DIPK1A: variants seen among roughly 807,000 people sequenced by gnomAD.
DIPK1A encodes divergent protein kinase domain 1A, also known as family with sequence similarity 69 member A.
A neutral mutation model predicts 40.8 loss-of-function variants in DIPK1A; 27 were observed. The ratio of observed to expected loss-of-function variants is 0.66; its 90% CI spans 0.49 to 0.91. The LOEUF is 0.91. DIPK1A is among the 40% of genes least tolerant of loss of function. The pLI is 0.00. For missense variants in DIPK1A, 412 were observed against 505.7 expected (o/e 0.81, Z 1.78); for synonymous variants, 166 against 171.3 (o/e 0.97, Z 0.24).
At chr1:92,953,800 G>T (rs886397295) in intron 1 of DIPK1A, among the ~76,000 whole-genome samples, 3 of 152,168 alleles carry the variant, frequency 2.0e-5, no homozygotes, top group Non-Finnish European at 2.9e-5. Context: ...AAGTTCTAGA[G>T]ATCTGCTGCA....
At chr1:92,926,818 A>G (rs1409468441) in intron 1 of DIPK1A, among the ~76,000 whole-genome samples, 1 of 151,922 alleles carries the variant, frequency 6.6e-6, no homozygotes, top group Non-Finnish European at 1.5e-5. Context: ...ATCTATTCTA[A>G]CTCTCGAATT....
At chr1:92,942,890 C>G (rs940165279) in intron 1 of DIPK1A, among the ~76,000 whole-genome samples, 9 of 152,310 alleles carry the variant, frequency 5.9e-5, no homozygotes, top group African/African-American at 1.9e-4. Context: ...GTCTCGAACT[C>G]CTGACCTCAT....
Position 92,843,933 on chromosome 1 carries a change from T to C in DIPK1A, c.737A>G (p.Glu246Gly), listed in dbSNP as rs2100706734. 1 of 1,551,816 alleles carries C rather than the reference T, an allele frequency of 6.4e-7. No homozygotes were observed. Among genetic ancestry groups the C allele is most frequent in the Non-Finnish European group, 8.7e-7 (1 of 1,147,034 alleles). ...LYGISLPWVI[E>G]LFIPSGFRRS... ...TCTGAACCCAGATGGAATAAAAAGT[T>C]CAATGACCCAAGGAAGGCTTATTCC... Residue 246 changes from glutamate to glycine, a missense_variant, in exon 5 of 5, where the codon GAA (glutamate) becomes GGA (glycine). Transcript: ENST00000370310.
At chr1:92,955,586 T>C (rs1448794348) in intron 1 of DIPK1A, among the ~76,000 whole-genome samples, 2 of 151,124 alleles carry the variant, frequency 1.3e-5, no homozygotes, top group East Asian at 1.9e-4. Context: ...TAGTCCCAGC[T>C]ACTTGGGAGG....
At chr1:92,833,603 C>T in intron 4 of DIPK1A, 1 of 1,612,618 alleles carries the variant, frequency 6.2e-7, no homozygotes, top group Non-Finnish European at 8.5e-7. Context: ...AAAATAAATA[C>T]AACACACCCA....
intron 1 of DIPK1A, chr1:92,932,874 A>C (rs1484622317): frequency 2.0e-5 from 3 of 152,220 alleles, no homozygotes; most frequent in African/African-American, 7.2e-5. Flanking sequence ...GCCATTATAC[A>C]CTTGTCAAAA....
At chr1:92,931,353 G>T in intron 1 of DIPK1A, 1 of 238,398 alleles carries the variant, frequency 4.2e-6, no homozygotes. Context: ...CCGTATCAAA[G>T]AAAAAAGGAC....
chr1:92,917,227 C>G lies in DIPK1A; in HGVS notation c.55-40797G>C, dbSNP rs151250859. ...CCAACTTTTCAGCATCTAGACAAGG[C>G]TATATATAGATTTTTTAGATTTTCA... On this transcript the variant is annotated intron_variant, in intron 1 of 4. Coordinates refer to ENST00000370310, the MANE Select transcript of DIPK1A (RefSeq NM_001006605.5). Among the ~76,000 whole-genome samples, 518 of 152,284 alleles carry G rather than the reference C, an allele frequency of 3.4e-3. 3 individuals are homozygous for G. Among genetic ancestry groups the G allele is most frequent in the African/African-American group, 0.012 (488 of 41,566 alleles).
intron 1 of DIPK1A, among the ~76,000 whole-genome samples, chr1:92,947,488 A>G (rs1047373307): frequency 2.0e-5 from 3 of 152,228 alleles, no homozygotes; most frequent in African/African-American, 7.2e-5. Flanking sequence ...TCTTATACAC[A>G]GTTGGTGGGA....
intron 1 of DIPK1A, among the ~76,000 whole-genome samples, chr1:92,959,716 G>A (rs1651986783): frequency 6.6e-6 from 1 of 150,422 alleles, no homozygotes; most frequent in Admixed American, 6.6e-5. Context: ...CTCCCAAAGT[G>A]CATGAGCCAC....
Position 92,843,698 on chromosome 1 carries a change from T to C in DIPK1A, c.972A>G (p.Glu324=). 6.4e-7 allele frequency: 1 copy of C among 1,551,716 alleles called. No homozygotes were observed. The change falls in exon 5 of 5, where the codon GAA becomes GAG. Residue 324 remains glutamate, a synonymous_variant. Transcript: ENST00000370310. ...ACTCACAGTGACGATCCTTAATAAG[T>C]TCTTTCAGGTTTGTCTCTGGCACAA... ...RKIVPETNLK[E]LIKDRHCESD... is the part of the protein sequence containing the mutation.
chr1:92,950,488 G>A (rs1247187590), intron 1 of DIPK1A, among the ~76,000 whole-genome samples: 2 of 152,248 alleles, frequency 1.3e-5, no homozygotes, highest in Non-Finnish European at 2.9e-5. Context: ...GAAGCAATGT[G>A]GAGGATAGAT....
At position 92,846,821 on chromosome 1, in the gene DIPK1A, A is replaced by ATATATATATATATGTGTG. The variant is rs1687628832; in HGVS notation, c.474+361_474+362insCACACATATATATATATA. Among the ~76,000 whole-genome samples, 4 of 4,040 alleles carry ATATATATATATATGTGTG rather than the reference A, an allele frequency of 9.9e-4. 1 individual carries two copies. Among genetic ancestry groups the ATATATATATATATGTGTG allele is most frequent in the Non-Finnish European group, 1.4e-3 (4 of 2,838 alleles). The allele number at this position is 4,040 out of a possible 152,430, so 2.7% of individuals were successfully genotyped here. On this transcript the variant is annotated intron_variant, in intron 4 of 4. Coordinates refer to ENST00000370310, the MANE Select transcript of DIPK1A (RefSeq NM_001006605.5). ...TATATATATATATATATATATATAT[A>ATATATATATATATGTGTG]TATATATATATATATATATATGTGT... is the stretch of plus-strand genomic sequence containing the variant.
intron 1 of DIPK1A, among the ~76,000 whole-genome samples, chr1:92,934,939 G>T (rs1386457451): frequency 6.6e-6 from 1 of 152,180 alleles, no homozygotes; most frequent in East Asian, 1.9e-4. Context: ...GCGTCAAGAT[G>T]AAGAATATTA....
chr1:92,846,690 G>A (rs1193786440), intron 4 of DIPK1A: 5 of 318,416 alleles, frequency 1.6e-5, no homozygotes, highest in Non-Finnish European at 3.0e-5. Context: ...GTGCAGTGGT[G>A]AGATCTTGGC....
intron 2 of DIPK1A, among the ~76,000 whole-genome samples, chr1:92,868,302 G>A (rs1268187468): frequency 2.0e-5 from 3 of 152,162 alleles, no homozygotes; most frequent in Non-Finnish European, 4.4e-5. Flanking sequence ...TTCACAGTGG[G>A]TTGGTTGTAC....
intron 1 of DIPK1A, among the ~76,000 whole-genome samples, chr1:92,925,524 C>T (rs185134656): frequency 3.4e-3 from 514 of 152,120 alleles, no homozygotes; most frequent in Admixed American, 5.4e-3. Context: ...GAGACAGTCT[C>T]GCGCTGCAAC....
intron 1 of DIPK1A, among the ~76,000 whole-genome samples, chr1:92,927,967 A>G (rs1425940715): frequency 6.6e-6 from 1 of 152,120 alleles, no homozygotes; most frequent in Non-Finnish European, 1.5e-5. Flanking sequence ...TCCACTGGGT[A>G]TATATCTAGG....
Position 92,846,895 on chromosome 1 carries a change from A to ATATGTG in DIPK1A, c.474+287_474+288insCACATA, listed in dbSNP as rs1687656047. ...TATATATATATATACACACACACGT[A>ATATGTG]TATATATATATACGTGTATATATAT... On this transcript the variant is annotated intron_variant, in intron 4 of 4. Transcript: ENST00000370310. Among the ~76,000 whole-genome samples, 22 of 83,216 alleles carry ATATGTG rather than the reference A, an allele frequency of 2.6e-4. 3 individuals are homozygous for ATATGTG. Among genetic ancestry groups the ATATGTG allele is most frequent in the South Asian group, 6.7e-4 (2 of 2,978 alleles). 54.6% of individuals were successfully genotyped at this position (83,216 alleles called of 152,430 possible).
Sources: allele counts gnomAD v4.1 joint callset (sites outside exome capture counted in the v4.1 genomes callset), GRCh38; gene constraint gnomAD v4.1.1; transcripts MANE v1.5; gene names NCBI Gene and HGNC (gene_info 2026-07-23, HGNC 2026-07-21).